GDAP1: variants seen among roughly 807,000 people sequenced by gnomAD.
GDAP1 encodes the protein ganglioside-induced differentiation-associated protein 1.
GDAP1 carries 34 observed loss-of-function variants against 40.1 expected under a neutral mutation model. The observed-to-expected ratio is 0.85, with a 90% CI of 0.64 to 1.13. GDAP1 has a LOEUF of 1.13. GDAP1 is among the 50% of genes most tolerant of loss of function. The pLI, the probability that GDAP1 is intolerant of heterozygous loss-of-function variation, is 0.00. For missense variants in GDAP1, 374 were observed against 433.7 expected (o/e 0.86, Z 1.22); for synonymous variants, 170 against 157.4 (o/e 1.08, Z -0.60).
intron 2 of GDAP1, among the ~76,000 whole-genome samples, chr8:74,352,564 T>G (rs1248339959): frequency 6.6e-6 from 1 of 152,236 alleles, no homozygotes; most frequent in Non-Finnish European, 1.5e-5. Flanking sequence ...CCCAGGGAAT[T>G]AGATTAGCAA....
At chr8:74,412,986 G>A (rs2131554714) in intron 2 of GDAP1, among the ~76,000 whole-genome samples, 1 of 136,962 alleles carries the variant, frequency 7.3e-6, no homozygotes, top group South Asian at 2.3e-4. Context: ...AGAATCCCTT[G>A]AACCCGGGAG....
chr8:74,358,192 G>C (rs1024657213), intron 2 of GDAP1, among the ~76,000 whole-genome samples: 1 of 152,206 alleles, frequency 6.6e-6, no homozygotes, highest in Non-Finnish European at 1.5e-5. Context: ...TGTCCTCCTT[G>C]AAGAATTTGG....
Position 74,365,456 on chromosome 8 carries a change from C to T in GDAP1, c.*1089C>T. ...TGGAAGGGACAGTCTCGGTGTGTCC[C>T]ATGAATAACCTTGGAACTGCAACAA... On this transcript the variant is annotated 3_prime_UTR_variant, in exon 6 of 6. Transcript: ENST00000220822. The T allele has an allele frequency of 2.2e-6, 1 of 453,762 alleles. No individual in the cohort carries two copies. The highest frequency in any genetic ancestry group is 4.4e-6 in the Non-Finnish European group (1 of 226,738). 28.1% of individuals were successfully genotyped at this position (453,762 alleles called of 1,614,324 possible). A position where few individuals can be genotyped will look rare whatever the true frequency, so the allele number is the denominator to read the frequency against.
chr8:74,411,295 A>G (rs1805706703), intron 2 of GDAP1, among the ~76,000 whole-genome samples: 1 of 149,830 alleles, frequency 6.7e-6, no homozygotes, highest in Non-Finnish European at 1.5e-5. Context: ...TATGAGTGGT[A>G]TCCTTAGAAA....
intron 2 of GDAP1, among the ~76,000 whole-genome samples, chr8:74,479,720 A>G (rs1411891386): frequency 6.6e-6 from 1 of 152,098 alleles, no homozygotes; most frequent in Non-Finnish European, 1.5e-5. Context: ...TTGAGTTGGC[A>G]GCTGAAGCTT....
intron 2 of GDAP1, among the ~76,000 whole-genome samples, chr8:74,475,302 T>G (rs1806614979): frequency 6.6e-6 from 1 of 152,154 alleles, no homozygotes. Flanking sequence ...GCTCTGATTT[T>G]GCTTATTCCT....
At chr8:74,477,765 C>T (rs1806650051) in intron 2 of GDAP1, among the ~76,000 whole-genome samples, 1 of 152,168 alleles carries the variant, frequency 6.6e-6, no homozygotes, top group Admixed American at 6.5e-5. Context: ...TCTTCATTCA[C>T]ATATACCAGC....
At chr8:74,381,857 G>A (rs1809959000) in intron 2 of GDAP1, among the ~76,000 whole-genome samples, 1 of 151,874 alleles carries the variant, frequency 6.6e-6, no homozygotes, top group Non-Finnish European at 1.5e-5. Context: ...ATTCTGCAGG[G>A]ATATGTGTGA....
At chr8:74,464,995 A>G (rs1207091745) in intron 2 of GDAP1, among the ~76,000 whole-genome samples, 1 of 152,030 alleles carries the variant, frequency 6.6e-6, no homozygotes, top group Non-Finnish European at 1.5e-5. Context: ...CAAGGCGGGT[A>G]GATTGCTTGA....
intron 2 of GDAP1, 106 bp from the exon 3 acceptor site, chr8:74,360,031 A>G (rs1809279343): frequency 1.2e-6 from 1 of 800,924 alleles, no homozygotes; most frequent in Non-Finnish European, 2.1e-6. Context: ...GAATATACAG[A>G]TATGTTGAAA....
chr8:74,375,148 G>T (rs1328469900), intron 2 of GDAP1, among the ~76,000 whole-genome samples: 1 of 152,144 alleles, frequency 6.6e-6, no homozygotes, highest in Non-Finnish European at 1.5e-5. Flanking sequence ...CCAACATGGT[G>T]AAACTCTGTC....
chr8:74,484,886 C>T (rs966369255), intron 2 of GDAP1, among the ~76,000 whole-genome samples: 2 of 152,112 alleles, frequency 1.3e-5, no homozygotes, highest in African/African-American at 2.4e-5. Context: ...TATGTTCTCT[C>T]ATTACCACCG....
Position 74,406,607 on chromosome 8 carries a change from T to A in GDAP1, c.165+55286T>A, listed in dbSNP as rs1168938348. Reference sequence around the variant, plus strand: ...TACAATTTTAAGGTCACTTAAGAAATCCTGCAATTATTATTGCTTAATTTG... The same window carrying A: ...TACAATTTTAAGGTCACTTAAGAAAACCTGCAATTATTATTGCTTAATTTG... On this transcript the variant is annotated intron_variant, in intron 2 of 2. Coordinates refer to the GDAP1 transcript ENST00000523640. 4.0e-5 allele frequency among the ~76,000 whole-genome samples: 6 copies of A among 150,238 alleles called. No homozygotes were observed. In the East Asian group the frequency reaches 1.2e-3, roughly 29 times the overall value.
chr8:74,455,999 T>C (rs1288069091), intron 2 of GDAP1, among the ~76,000 whole-genome samples: 1 of 151,986 alleles, frequency 6.6e-6, no homozygotes, highest in African/African-American at 2.4e-5. Flanking sequence ...TATCCAAGTC[T>C]TTCTCAAAGA....
intron 2 of GDAP1, among the ~76,000 whole-genome samples, chr8:74,379,531 A>G (rs1586815389): frequency 1.3e-5 from 2 of 152,356 alleles, no homozygotes; most frequent in Middle Eastern, 6.8e-3. Context: ...TTATTGAGAC[A>G]TATGAAGACT....
intron 2 of GDAP1, among the ~76,000 whole-genome samples, chr8:74,476,105 C>G (rs1806625607): frequency 1.3e-5 from 2 of 152,068 alleles, no homozygotes; most frequent in Non-Finnish European, 2.9e-5. Context: ...ATTGCAACCC[C>G]TTTATTATTT....
At chr8:74,486,135 T>C (rs1806773705) in intron 2 of GDAP1, among the ~76,000 whole-genome samples, 1 of 152,180 alleles carries the variant, frequency 6.6e-6, no homozygotes, top group Admixed American at 6.5e-5. Flanking sequence ...ATTCTTGTCA[T>C]AGGACGGAAT....
chr8:74,469,668 CA>C (rs753792948), intron 2 of GDAP1, among the ~76,000 whole-genome samples: 4,252 of 105,072 alleles, frequency 0.04, 182 homozygotes, highest in African/African-American at 0.13. Flanking sequence ...GACTCCGTCT[CA>C]AAAAAAAAAA....
chr8:74,404,533 T>G (rs918068536), intron 2 of GDAP1, among the ~76,000 whole-genome samples: 3 of 149,668 alleles, frequency 2.0e-5, no homozygotes, highest in Non-Finnish European at 4.4e-5. Flanking sequence ...AAAAGCTGAG[T>G]CACTCACCTA....
Sources: allele counts gnomAD v4.1 joint callset (sites outside exome capture counted in the v4.1 genomes callset), GRCh38; gene constraint gnomAD v4.1.1; transcripts MANE v1.5; gene names NCBI Gene and HGNC (gene_info 2026-07-23, HGNC 2026-07-21).